Variants in PTPRG observed in about 807,000 individuals in gnomAD.
PTPRG encodes protein tyrosine phosphatase receptor type G, also known as receptor-type tyrosine-protein phosphatase gamma.
A neutral mutation model predicts 165.3 loss-of-function variants in PTPRG; 102 were observed. The observed-to-expected ratio is 0.62, with a 90% confidence interval of 0.53 to 0.73. The LOEUF (loss-of-function observed/expected upper bound fraction) is 0.73. Among genes scored for constraint, PTPRG ranks in the 30% least tolerant of loss-of-function variants. The pLI, the probability that PTPRG is intolerant of heterozygous loss-of-function variation, is 0.00. For synonymous variants in PTPRG, 675 were observed against 669.5 expected (o/e 1.01, Z -0.13); for missense variants, 1,866 against 1,861.4 (o/e 1.00, Z -0.05).
At chr3:61,617,687 A>T (rs978647442) in intron 1 of PTPRG, among the ~76,000 whole-genome samples, 11 of 152,324 alleles carry the variant, frequency 7.2e-5, no homozygotes, top group South Asian at 2.1e-4. Context: ...GGGAACCTGA[A>T]TCTAACACTG....
chr3:61,688,456 C>G (rs1365493421), intron 1 of PTPRG, among the ~76,000 whole-genome samples: 2 of 152,156 alleles, frequency 1.3e-5, no homozygotes, highest in African/African-American at 4.8e-5. Context: ...CTCCATCTTT[C>G]CAGAGACTCA....
At chr3:62,175,130 T>C (rs545881757) in intron 8 of PTPRG, among the ~76,000 whole-genome samples, 1 of 152,244 alleles carries the variant, frequency 6.6e-6, no homozygotes, top group Admixed American at 6.5e-5. Context: ...TATGTAAATA[T>C]ATGAGTTGGT....
At chr3:62,097,182 T>C (rs1702147144) in intron 5 of PTPRG, among the ~76,000 whole-genome samples, 1 of 152,216 alleles carries the variant, frequency 6.6e-6, no homozygotes, top group African/African-American at 2.4e-5. Context: ...AAGGAGATAT[T>C]GGCTGTAAAA....
intron 1 of PTPRG, among the ~76,000 whole-genome samples, chr3:61,566,558 A>G (rs986776188): frequency 1.3e-5 from 2 of 152,168 alleles, no homozygotes; most frequent in Non-Finnish European, 2.9e-5. Flanking sequence ...CCCAGGCTGG[A>G]GTGCAGTAGT....
At chr3:61,654,184 C>T (rs185642006) in intron 1 of PTPRG, among the ~76,000 whole-genome samples, 1 of 152,242 alleles carries the variant, frequency 6.6e-6, no homozygotes, top group African/African-American at 2.4e-5. Context: ...ATGTGGGAGT[C>T]ATTCAAGAGA....
chr3:61,989,230 T>G (rs1361263079), intron 2 of PTPRG, among the ~76,000 whole-genome samples: 3 of 152,232 alleles, frequency 2.0e-5, no homozygotes, highest in Non-Finnish European at 4.4e-5. Context: ...AGAAGAAAGT[T>G]GTATTTAGGA....
At chr3:61,871,298 A>G (rs960464039) in intron 2 of PTPRG, among the ~76,000 whole-genome samples, 1 of 151,586 alleles carries the variant, frequency 6.6e-6, no homozygotes, top group Non-Finnish European at 1.5e-5. Flanking sequence ...CACAGTCACA[A>G]CTCACTGCAG....
chr3:61,679,395 G>A (rs1042820987), intron 1 of PTPRG, among the ~76,000 whole-genome samples: 1 of 152,086 alleles, frequency 6.6e-6, no homozygotes, highest in Non-Finnish European at 1.5e-5. Flanking sequence ...CAGAAATTTA[G>A]CAGCCCGACC....
chr3:61,809,817 C>T (rs1293581964), intron 2 of PTPRG, among the ~76,000 whole-genome samples: 1 of 152,128 alleles, frequency 6.6e-6, no homozygotes, highest in Admixed American at 6.6e-5. Flanking sequence ...CAGTTGAGAG[C>T]CACGGAAGCT....
chr3:62,075,314 G>C (rs534898282), intron 4 of PTPRG, among the ~76,000 whole-genome samples: 1 of 152,268 alleles, frequency 6.6e-6, no homozygotes, highest in African/African-American at 2.4e-5. Context: ...TAAAAAGAAA[G>C]TGAAGTGTAA....
In PTPRG at chr3:61,642,799, G is replaced by A. The variant is rs187058246; in HGVS notation, c.85+80427G>A. Among the ~76,000 whole-genome samples the A allele has an allele frequency of 2.6e-5, 4 of 152,294 alleles. No individual in the cohort carries two copies. The East Asian group carries it at 7.7e-4, about 29-fold the overall frequency. On this transcript the variant is annotated intron_variant, in intron 1 of 29. Transcript: ENST00000474889. ...AGTCATAGATGAGGGGAAGTTGATG[G>A]AGTGATGGAAATAGACAATTGCCAT...
At position 62,003,342 on chromosome 3, in the gene PTPRG, C is replaced by T. The variant is rs780608111; in HGVS notation, c.371-7C>T. 4.3e-6 allele frequency: 7 copies of T among 1,610,016 alleles called. No homozygotes were observed. In the Admixed American group the frequency reaches 6.8e-5, roughly 16 times the overall value. ...TGTTTTCCTCTCTTCTCATTTGTTT[C>T]ACACAGTCGCCATCCTTCTGAAAGA... On this transcript the variant is annotated splice_polypyrimidine_tract_variant and splice_region_variant and intron_variant, in intron 3 of 29. Transcript: ENST00000474889.
In PTPRG at chr3:61,681,158, C is replaced by A. The variant is rs554990323; in HGVS notation, c.86-67720C>A. 2.0e-5 allele frequency among the ~76,000 whole-genome samples: 3 copies of A among 151,784 alleles called. No individual in the cohort carries two copies. In the East Asian group the frequency reaches 5.8e-4, roughly 29 times the overall value. On this transcript the variant is annotated intron_variant, in intron 1 of 29. Coordinates refer to ENST00000474889, the MANE Select transcript of PTPRG (RefSeq NM_002841.4). ...ATAGGCAATTTAAGGTCCATCCCAT[C>A]CTAAAAGCTTTTAGCTTGTGAAAAG...
At chr3:62,056,519 C>G (rs954293770) in intron 4 of PTPRG, among the ~76,000 whole-genome samples, 27 of 152,114 alleles carry the variant, frequency 1.8e-4, no homozygotes, top group Middle Eastern at 3.2e-3. Context: ...ATTGGACACC[C>G]CTGGTCTAAA....
At chr3:61,989,223 A>G (rs1478765315) in intron 2 of PTPRG, among the ~76,000 whole-genome samples, 1 of 152,190 alleles carries the variant, frequency 6.6e-6, no homozygotes, top group African/African-American at 2.4e-5. Flanking sequence ...TGGGCTAAGA[A>G]GAAAGTTGTA....
At chr3:61,653,639 G>A (rs908858557) in intron 1 of PTPRG, among the ~76,000 whole-genome samples, 2 of 152,164 alleles carry the variant, frequency 1.3e-5, no homozygotes, top group East Asian at 3.9e-4. Flanking sequence ...CATTGCATAT[G>A]TCTTTGTTTT....
At position 61,837,268 on chromosome 3, in the gene PTPRG, G is replaced by T. The variant is rs187038819; in HGVS notation, c.190+88286G>T. The stretch of plus-strand genomic sequence containing the variant: ...TTGCCATGTTGGCCAGGCTGGTCTC[G>T]AACTCCTGACCTCAAGTGATCTGCC... On this transcript the variant is annotated intron_variant, in intron 2 of 29. Coordinates refer to ENST00000474889, the MANE Select transcript of PTPRG (RefSeq NM_002841.4). Among the ~76,000 whole-genome samples the T allele has an allele frequency of 2.6e-3, 398 of 152,212 alleles. 1 individual carries two copies. Among genetic ancestry groups the T allele is most frequent in the African/African-American group, 8.8e-3 (365 of 41,538 alleles).
intron 2 of PTPRG, among the ~76,000 whole-genome samples, chr3:61,909,556 T>C (rs1304883964): frequency 1.3e-5 from 2 of 152,122 alleles, no homozygotes; most frequent in Non-Finnish European, 2.9e-5. Context: ...TCACTGTGTT[T>C]CCTAGGCTCG....
chr3:62,186,886 G>C (rs1470029071), intron 8 of PTPRG, among the ~76,000 whole-genome samples: 2 of 152,152 alleles, frequency 1.3e-5, no homozygotes, highest in Non-Finnish European at 2.9e-5. Flanking sequence ...GATCTTTAAG[G>C]GGGCTGGGGT....
Sources: allele counts gnomAD v4.1 joint callset (sites outside exome capture counted in the v4.1 genomes callset), GRCh38; gene constraint gnomAD v4.1.1; transcripts MANE v1.5; gene names NCBI Gene and HGNC (gene_info 2026-07-23, HGNC 2026-07-21).